PARP2: variants seen among roughly 807,000 people sequenced by gnomAD.
The protein encoded by PARP2 is poly [ADP-ribose] polymerase 2.
PARP2 carries 57 observed loss-of-function variants against 77.8 expected under a neutral mutation model. The ratio of observed to expected loss-of-function variants is 0.73; its 90% CI spans 0.59 to 0.91. PARP2 has a LOEUF of 0.91. PARP2 is among the 40% of genes least tolerant of loss of function. PARP2 has a pLI of 0.00. For missense variants in PARP2, 651 were observed against 689.0 expected (o/e 0.94, Z 0.62); for synonymous variants, 226 against 242.6 (o/e 0.93, Z 0.64).
At chr14:20,355,374 T>C in intron 9 of PARP2, 1 of 184,104 alleles carries the variant, frequency 5.4e-6, no homozygotes, top group East Asian at 1.5e-4. Context: ...ATTTCTTTTA[T>C]AGCTTTATAG....
intron 7 of PARP2, among the ~76,000 whole-genome samples, chr14:20,353,342 G>A (rs1418442404): frequency 2.6e-5 from 4 of 151,720 alleles, no homozygotes; most frequent in East Asian, 1.9e-4. Context: ...CTGGGTTCAC[G>A]CCATTCTCCT....
At chr14:20,353,401 C>T (rs1010088970) in intron 7 of PARP2, among the ~76,000 whole-genome samples, 2 of 151,836 alleles carry the variant, frequency 1.3e-5, no homozygotes, top group African/African-American at 4.8e-5. Flanking sequence ...CCACCACGCC[C>T]GGCTAATTTT....
At chr14:20,345,846 G>GA (rs1883698532) in intron 3 of PARP2, among the ~76,000 whole-genome samples, 1 of 151,632 alleles carries the variant, frequency 6.6e-6, no homozygotes, top group African/African-American at 2.4e-5. Flanking sequence ...CAAAAGCAGG[G>GA]GAGAGAGAGA....
Position 20,354,839 on chromosome 14 carries a change from G to T in PARP2, c.794G>T (p.Gly265Val). 6.2e-7 allele frequency: 1 copy of T among 1,613,830 alleles called. No homozygotes were observed. Among genetic ancestry groups the T allele is most frequent in the Non-Finnish European group, 8.5e-7 (1 of 1,179,904 alleles). The change falls in exon 9 of 16, where the codon GGT becomes GTT. Residue 265 changes from glycine (G) to valine (V), a missense_variant. Coordinates refer to ENST00000429687, the MANE Select transcript of PARP2 (RefSeq NM_001042618.2). The stretch of plus-strand genomic sequence containing the variant: ...CTGACAGTGGCACAAATCAAGGCAG[G>T]TTACCAGTCTCTTAAGAAGATTGAG... ...GKLTVAQIKAGYQSLKKIEDC... is the reference protein window; with the variant it reads ...GKLTVAQIKAVYQSLKKIEDC...
intron 13 of PARP2, 146 bp from the exon 14 acceptor site, chr14:20,356,905 A>G (rs1291312643): frequency 2.9e-6 from 2 of 697,780 alleles, no homozygotes; most frequent in Non-Finnish European, 5.1e-6. Flanking sequence ...AGGGGCTTCT[A>G]CCCTCTCTAG....
chr14:20,351,177 A>G (rs1204026288), intron 6 of PARP2, 55 bp downstream of exon 6: 1 of 1,429,614 alleles, frequency 7.0e-7, no homozygotes, highest in Non-Finnish European at 9.8e-7. Context: ...TTAGATGTAT[A>G]TTCTCTAAAA....
intron 4 of PARP2, 97 bp downstream of exon 4, chr14:20,347,010 C>CTT (rs201999457): frequency 3.6e-3 from 1,829 of 508,008 alleles, no homozygotes; most frequent in South Asian, 7.6e-3. Flanking sequence ...TTTAAAGTCC[C>CTT]TTTTTTTTTT....
Position 20,357,810 on chromosome 14 carries a change from A to G in PARP2, c.*13A>G. On this transcript the variant is annotated 3_prime_UTR_variant, in exon 16 of 16. Coordinates refer to ENST00000429687, the MANE Select transcript of PARP2 (RefSeq NM_001042618.2). ...TCAGCTGTGGTGAATGTTGATATTA[A>G]ATAAACCAGAGATCTGATCTTCAAG... 1 of 1,606,750 alleles carries G rather than the reference A, an allele frequency of 6.2e-7. No individual in the cohort carries two copies. Among genetic ancestry groups the G allele is most frequent in the Non-Finnish European group, 8.5e-7 (1 of 1,176,186 alleles).
intron 9 of PARP2, 61 bp from the exon 10 acceptor site, chr14:20,355,691 A>C: frequency 7.7e-7 from 1 of 1,298,740 alleles, no homozygotes; most frequent in Non-Finnish European, 1.1e-6. Context: ...TTCTATTTTT[A>C]GTCATGCGCC....
chr14:20,356,444 T>C lies in PARP2; in HGVS notation c.1229+10T>C. On this transcript the variant is annotated intron_variant, in intron 12 of 15. Coordinates refer to ENST00000429687, the MANE Select transcript of PARP2 (RefSeq NM_001042618.2). The stretch of plus-strand genomic sequence containing the variant: ...AGGACCTTCATAACAGGTCTGAGTC[T>C]AGCTTTGCGTTTGGAAAGACACTCC... 6.2e-7 allele frequency: 1 copy of C among 1,614,156 alleles called. No homozygotes were observed. Among genetic ancestry groups the C allele is most frequent in the East Asian group, 2.2e-5 (1 of 44,882 alleles).
chr14:20,344,766 T>C (rs1223686617), intron 1 of PARP2, among the ~76,000 whole-genome samples, 166 bp from the exon 2 acceptor site: 2 of 152,128 alleles, frequency 1.3e-5, no homozygotes, highest in Non-Finnish European at 2.9e-5. Flanking sequence ...TGAGCCAAGA[T>C]CGCACCACTG....
At chr14:20,353,989 T>G in intron 7 of PARP2, 96 bp from the exon 8 acceptor site, 1 of 1,031,412 alleles carries the variant, frequency 9.7e-7, no homozygotes, top group Admixed American at 2.1e-5. Flanking sequence ...ATATAAAAAC[T>G]TTACAAAGCA....
intron 7 of PARP2, 97 bp from the exon 8 acceptor site, chr14:20,353,988 C>T: frequency 9.9e-7 from 1 of 1,014,086 alleles, no homozygotes. Context: ...AATATAAAAA[C>T]TTTACAAAGC....
At chr14:20,346,686 A>G (rs1883731334) in intron 3 of PARP2, 177 bp from the exon 4 acceptor site, 1 of 536,050 alleles carries the variant, frequency 1.9e-6, no homozygotes, top group Admixed American at 3.0e-5. Flanking sequence ...TTTCATTTAT[A>G]GTAAGGTTAC....
At chr14:20,357,223 A>G (rs1367987620) in intron 14 of PARP2, 74 bp downstream of exon 14, 1 of 1,360,902 alleles carries the variant, frequency 7.3e-7, no homozygotes, top group Non-Finnish European at 1.0e-6. Context: ...GTTTGACCCC[A>G]GAACCAAGAG....
At chr14:20,349,937 A>G (rs891085586) in intron 4 of PARP2, among the ~76,000 whole-genome samples, 1 of 152,134 alleles carries the variant, frequency 6.6e-6, no homozygotes, top group Admixed American at 6.6e-5. Context: ...GATACTGGCC[A>G]TATTCTCTCT....
chr14:20,349,976 T>C (rs1883898911), intron 4 of PARP2, among the ~76,000 whole-genome samples: 1 of 152,150 alleles, frequency 6.6e-6, no homozygotes. Context: ...TCAGGTTAGG[T>C]ATGGGACGGA....
chr14:20,354,269 T>C (rs1454656632), intron 8 of PARP2, 22 bp downstream of exon 8: 1 of 1,581,416 alleles, frequency 6.3e-7, no homozygotes, highest in East Asian at 2.2e-5. Flanking sequence ...CATTTTCTTC[T>C]GCATTCTCTC....
In PARP2 at chr14:20,350,570, A is replaced by G. The variant is rs1883919516; in HGVS notation, c.369A>G (p.Leu123=). 3 of 1,611,166 alleles carry G rather than the reference A, an allele frequency of 1.9e-6. No individual in the cohort carries two copies. In the African/African-American group the frequency reaches 4.0e-5, roughly 22 times the overall value. The part of the protein sequence containing the change: ...FNNNKYYLIQ[L]LEDDAQRNFS... ...ACAACAAGTACTATCTGATTCAGCT[A>G]TTAGAAGATGATGCCCAGAGGAACT... Residue 123 remains leucine (L), a synonymous_variant, in exon 5 of 16, where the codon CTA becomes CTG. Transcript: ENST00000429687.
Sources: allele counts gnomAD v4.1 joint callset (sites outside exome capture counted in the v4.1 genomes callset), GRCh38; gene constraint gnomAD v4.1.1; transcripts MANE v1.5; gene names NCBI Gene and HGNC (gene_info 2026-07-23, HGNC 2026-07-21).